Variants in CPNE1 observed in about 807,000 individuals in gnomAD.
CPNE1 encodes the protein copine 1, also known as copine-1.
In CPNE1, 58 loss-of-function variants were observed where a neutral mutation model predicts 63.2. That is an observed-to-expected ratio of 0.92 (90% CI 0.74 to 1.14). The LOEUF (loss-of-function observed/expected upper bound fraction) is 1.14, where lower values mean the gene tolerates loss of function less well. CPNE1 is among the 50% of genes most tolerant of loss of function. The probability of loss-of-function intolerance (pLI) is 0.00; values close to 1 mark genes in which losing one functional copy is unlikely to be tolerated. For missense variants in CPNE1, 672 were observed against 661.7 expected, an observed-to-expected ratio of 1.02 and a Z score of -0.17; for synonymous variants, 237 against 249.0, an observed-to-expected ratio of 0.95 and a Z score of 0.45.
Position 35,627,298 on chromosome 20 carries a change from T to C in CPNE1, c.1218A>G (p.Ala406=), listed in dbSNP as rs1196786940. ...CTCTCACCGAGGCAGTCCCCTGATG[T>C]GCAGCCTGGGCTGCAAACCTGGCCA... The part of the protein sequence containing the change: ...NHVARFAAQA[A]HQGTASQYFM... The change falls in exon 14 of 16, where the codon GCA becomes GCG. Residue 406 remains alanine, a synonymous_variant. Coordinates refer to ENST00000397443, the MANE Select transcript of CPNE1 (RefSeq NM_152925.3). 1 of 1,611,654 alleles carries C rather than the reference T, an allele frequency of 6.2e-7. No homozygotes were observed. The highest frequency in any genetic ancestry group is 1.3e-5 in the African/African-American group (1 of 74,244).
chr20:35,633,058 G>C, intron 1 of CPNE1, 135 bp from the exon 2 acceptor site: 1 of 688,132 alleles, frequency 1.5e-6, no homozygotes, highest in Non-Finnish European at 2.5e-6. Flanking sequence ...GACACCCAAG[G>C]AAGAGAAGGC....
At chr20:35,626,832 G>A in intron 14 of CPNE1, 29 bp from the exon 15 acceptor site, 1 of 1,570,578 alleles carries the variant, frequency 6.4e-7, no homozygotes, top group Non-Finnish European at 8.8e-7. Context: ...ATGTCCTGAA[G>A]CAGATCCTCC....
intron 1 of CPNE1, chr20:35,655,022 T>G (rs890972480): frequency 6.2e-6 from 10 of 1,614,056 alleles, no homozygotes; most frequent in Non-Finnish European, 8.5e-6. Context: ...CTACTGGCAT[T>G]TGCTGGTGGT....
chr20:35,632,475 C>A, intron 3 of CPNE1, 42 bp downstream of exon 3: 1 of 1,609,432 alleles, frequency 6.2e-7, no homozygotes. Context: ...GGTTGTCTCA[C>A]AGACCTGCAT....
In CPNE1 at chr20:35,632,045, G is replaced by A. The variant is rs2032185124; in HGVS notation, c.457-20C>T. ...GAAGTCCTGCCAATGCGAGACCCCA[G>A]TTACAAGACTCAGGAACAAACAACC... On this transcript the variant is annotated intron_variant, in intron 5 of 15. Transcript: ENST00000397443. The A allele has an allele frequency of 1.2e-6, 2 of 1,612,586 alleles. No individual in the cohort carries two copies. Among genetic ancestry groups the A allele is most frequent in the African/African-American group, 1.3e-5 (1 of 74,850 alleles).
rs2032121611 is a variant in CPNE1, at chr20:35,631,333, G to A, written c.736C>T (p.Pro246Ser). ...CTTTTCTTTTTCTGCTGCTTCTCAG[G>A]GTGGATGCATTCAAACTCAGCCTGG... Reference protein sequence around the residue: ...AVPAEFECIHPEKQQKKKSYK... With the variant: ...AVPAEFECIHSEKQQKKKSYK... The change falls in exon 9 of 16, where the codon CCT (proline) becomes TCT (serine). Residue 246 changes from proline (P) to serine (S), a missense_variant. By Grantham distance (74) the Pro-to-Ser change is moderately conservative (BLOSUM62 -1). Coordinates refer to ENST00000397443, the MANE Select transcript of CPNE1 (RefSeq NM_152925.3). 1.9e-6 allele frequency: 3 copies of A among 1,613,976 alleles called. No homozygotes were observed. In the South Asian group the frequency reaches 3.3e-5, roughly 18 times the overall value.
At chr20:35,641,116 G>T (rs2032779129) in intron 1 of CPNE1, among the ~76,000 whole-genome samples, 1 of 152,148 alleles carries the variant, frequency 6.6e-6, no homozygotes, top group Admixed American at 6.5e-5. Flanking sequence ...CTTAAGAAAG[G>T]CATACTCATT....
At chr20:35,627,496 G>A (rs2031838540) in intron 13 of CPNE1, 83 bp from the exon 14 acceptor site, 1 of 1,405,704 alleles carries the variant, frequency 7.1e-7, no homozygotes, top group Non-Finnish European at 9.7e-7. Flanking sequence ...TCCCAGCCCA[G>A]GAGATCTCGG....
At position 35,631,298 on chromosome 20, in the gene CPNE1, G is replaced by C; in HGVS notation, c.771C>G (p.Asn257Lys). The change falls in exon 9 of 16, where the codon AAC (asparagine) becomes AAG (lysine). Residue 257 changes from asparagine to lysine, a missense_variant. Asn to Lys is a moderately conservative substitution (Grantham distance 94, BLOSUM62 0). Coordinates refer to ENST00000397443, the MANE Select transcript of CPNE1 (RefSeq NM_152925.3). ...AAATCTTGACACGGATAGTTCCAGA[G>C]TTCTTGTAGCTTTTCTTTTTCTGCT... ...EKQQKKKSYK[N>K]SGTIRVKICR... 1 of 1,614,222 alleles carries C rather than the reference G, an allele frequency of 6.2e-7. No homozygotes were observed. The highest frequency in any genetic ancestry group is 8.5e-7 in the Non-Finnish European group (1 of 1,180,034).
intron 13 of CPNE1, 116 bp downstream of exon 13, chr20:35,630,323 A>G (rs2032036261): frequency 1.3e-6 from 1 of 793,786 alleles, no homozygotes; most frequent in Admixed American, 2.4e-5. Flanking sequence ...AAATTAAATA[A>G]AATCCACCCT....
At chr20:35,659,853 T>C (rs1462884785) in intron 1 of CPNE1, among the ~76,000 whole-genome samples, 2 of 152,196 alleles carry the variant, frequency 1.3e-5, no homozygotes, top group Non-Finnish European at 2.9e-5. Flanking sequence ...TTTTGCTTTT[T>C]ATTTTTTTTC....
In CPNE1 at chr20:35,653,889, G is replaced by A. The variant is rs749357893; in HGVS notation, c.-1+10871C>T. 5 of 1,614,060 alleles carry A rather than the reference G, an allele frequency of 3.1e-6. No individual in the cohort carries two copies. In the Admixed American group the frequency reaches 6.7e-5, roughly 22 times the overall value. On this transcript the variant is annotated intron_variant, in intron 1 of 15. Transcript: ENST00000397443. Reference sequence around the variant, plus strand: ...CAGCCTTATAGTCAGCCTCATTTCTGAACTCTACAAAGCCTTCGCCAGTTG... The same window carrying A: ...CAGCCTTATAGTCAGCCTCATTTCTAAACTCTACAAAGCCTTCGCCAGTTG...
At chr20:35,642,431 G>C (rs2032864924) in intron 1 of CPNE1, among the ~76,000 whole-genome samples, 2 of 152,136 alleles carry the variant, frequency 1.3e-5, no homozygotes, top group African/African-American at 4.8e-5. Context: ...TGCCTACCTT[G>C]GCATGCTGGA....
chr20:35,659,526 A>G (rs1187627429), intron 1 of CPNE1, among the ~76,000 whole-genome samples: 1 of 152,260 alleles, frequency 6.6e-6, no homozygotes, highest in Non-Finnish European at 1.5e-5. Context: ...ATAGCATCCA[A>G]CATCACAAAA....
chr20:35,660,510 C>CGCCTG (rs1367069198), intron 1 of CPNE1, among the ~76,000 whole-genome samples: 1 of 152,160 alleles, frequency 6.6e-6, no homozygotes, highest in Non-Finnish European at 1.5e-5. Flanking sequence ...TGAGCCACCA[C>CGCCTG]GCCTGGCCTA....
At chr20:35,633,547 C>T (rs2032299943) in intron 1 of CPNE1, among the ~76,000 whole-genome samples, 1 of 152,100 alleles carries the variant, frequency 6.6e-6, no homozygotes, top group Non-Finnish European at 1.5e-5. Context: ...ACCTGGCTTA[C>T]AGCATTAGCC....
At position 35,630,765 on chromosome 20, in the gene CPNE1, C is replaced by T; in HGVS notation, c.1026G>A (p.Gly342=). 1 of 1,613,812 alleles carries T rather than the reference C, an allele frequency of 6.2e-7. No individual in the cohort carries two copies. The change falls in exon 12 of 16, where the codon GGG becomes GGA. Residue 342 remains glycine (G), a synonymous_variant. Transcript: ENST00000397443. ...SDKLFPAFGF[G]AQVPPDWQVS... Reference sequence around the variant, plus strand: ...CCTGCCAGTCAGGGGGAACCTGGGCCCCAAATCCAAATGCAGGGAACAGCT... The same window carrying T: ...CCTGCCAGTCAGGGGGAACCTGGGCTCCAAATCCAAATGCAGGGAACAGCT...
In CPNE1 at chr20:35,626,719, G is replaced by A; in HGVS notation, c.1321C>T (p.Leu441=). Residue 441 remains leucine, a synonymous_variant, in exon 15 of 16, where the codon CTG becomes TTG. Transcript: ENST00000397443. Reference sequence around the variant, plus strand: ...CCCACAATGATCACTGACATGGGCAGGTTCGAGGCACGCACCACAGCCTCA... The same window carrying A: ...CCCACAATGATCACTGACATGGGCAAGTTCGAGGCACGCACCACAGCCTCA... ...TREAVVRASN[L]PMSVIIVGVG... is the part of the protein sequence containing the mutation. 2 of 1,614,154 alleles carry A rather than the reference G, an allele frequency of 1.2e-6. No homozygotes were observed.
chr20:35,627,645 T>C, intron 13 of CPNE1: 1 of 433,664 alleles, frequency 2.3e-6, no homozygotes. Context: ...ATGAGAGGGA[T>C]TCTCCTGGAC....
Sources: gnomAD v4.1 joint callset for allele counts (sites outside exome capture counted in the v4.1 genomes callset) on GRCh38, gnomAD v4.1.1 for gene constraint, MANE v1.5 for transcripts, NCBI Gene and HGNC (gene_info 2026-07-23, HGNC 2026-07-21) for gene names.